The following FGF13 variants were observed in gnomAD, a reference collection of about 807,000 sequenced individuals.
FGF13 encodes the protein fibroblast growth factor 13.
A neutral mutation model predicts 19.5 loss-of-function variants in FGF13; 2 were observed. That is an observed-to-expected ratio of 0.10 (90% CI 0.04 to 0.32). The LOEUF is 0.32. Ranked by LOEUF, FGF13 falls within the 10% of genes least tolerant of loss-of-function variation. FGF13 has a pLI of 1.00. For missense variants in FGF13, 113 were observed against 192.7 expected, an observed-to-expected ratio of 0.59 and a Z score of 2.45; for synonymous variants, 72 against 76.9, an observed-to-expected ratio of 0.94 and a Z score of 0.33.
intron 1 of FGF13, among the ~76,000 whole-genome samples, chrX:138,872,573 T>A (rs1303200630): frequency 8.9e-6 from 1 of 112,332 alleles, no homozygotes; most frequent in East Asian, 2.8e-4. Context: ...TCTGTGTGAA[T>A]CCAGATTTCC....
At chrX:138,723,100 A>G (rs201080341) in intron 1 of FGF13, among the ~76,000 whole-genome samples, 1 of 64,840 alleles carries the variant, frequency 1.5e-5, no homozygotes, top group Non-Finnish European at 3.1e-5. Flanking sequence ...ACTAACTCAG[A>G]CAGTCCTGCT....
chrX:139,013,337 A>G (rs1181331301), intron 1 of FGF13, among the ~76,000 whole-genome samples: 1 of 108,340 alleles, frequency 9.2e-6, no homozygotes, highest in Non-Finnish European at 1.9e-5. Flanking sequence ...CAATCCCACT[A>G]CTAGGTATCT....
chrX:138,900,211 T>A (rs1490231659), intron 1 of FGF13, among the ~76,000 whole-genome samples: 1 of 111,153 alleles, frequency 9.0e-6, no homozygotes, highest in Non-Finnish European at 1.9e-5. Context: ...AAGCTGACCA[T>A]GTCACTTACT....
At chrX:139,063,620 C>G (rs770141484) in intron 1 of FGF13, among the ~76,000 whole-genome samples, 154 of 111,354 alleles carry the variant, frequency 1.4e-3, no homozygotes, top group African/African-American at 4.8e-3. Context: ...GTTTTATGTA[C>G]CTACTGAGTT....
At position 138,878,189 on chromosome X, in the gene FGF13, T is replaced by C. The variant is rs998083446; in HGVS notation, c.-112-13539A>G. Among the ~76,000 whole-genome samples the C allele has an allele frequency of 1.5e-4, 16 of 110,083 alleles. No homozygotes were observed. The East Asian group carries it at 4.1e-3, about 28-fold the overall frequency. ...ATTACACTTTAAGTTTTAGGGTACA[T>C]GTGCACAATGTGCAGGTTTGTTACA... is the stretch of plus-strand genomic sequence containing the variant. On this transcript the variant is annotated intron_variant, in intron 1 of 2. Coordinates refer to the FGF13 transcript ENST00000421460.
intron 1 of FGF13, among the ~76,000 whole-genome samples, chrX:138,942,916 C>T (rs1008628770): frequency 1.8e-5 from 2 of 111,165 alleles, no homozygotes; most frequent in African/African-American, 3.3e-5. Flanking sequence ...TTGCTCTAGG[C>T]CATTTACAAG....
At chrX:138,859,202 C>G (rs1201407502) in intron 2 of FGF13, among the ~76,000 whole-genome samples, 1 of 111,993 alleles carries the variant, frequency 8.9e-6, no homozygotes, top group Non-Finnish European at 1.9e-5. Context: ...AGCTGCTATT[C>G]AAAACATTTG....
At chrX:138,727,376 A>G (rs2090193729) in intron 1 of FGF13, among the ~76,000 whole-genome samples, 1 of 110,351 alleles carries the variant, frequency 9.1e-6, no homozygotes, top group South Asian at 3.9e-4. Context: ...TCTCTTCAAC[A>G]AGAAGATTTT....
intron 3 of FGF13, among the ~76,000 whole-genome samples, chrX:138,829,380 A>G (rs1026286777): frequency 2.7e-5 from 3 of 110,738 alleles, no homozygotes; most frequent in Non-Finnish European, 5.7e-5. Context: ...GCTGGTTGTT[A>G]TAAATAGCCT....
In FGF13 at chrX:138,631,791, T is replaced by C. The variant is rs2089119049; in HGVS notation, c.*1059A>G. The C allele has an allele frequency of 8.9e-6, 1 of 112,089 alleles. No homozygotes were observed. Among genetic ancestry groups the C allele is most frequent in the South Asian group, 3.7e-4 (1 of 2,694 alleles). 9.2% of individuals were successfully genotyped at this position (112,089 alleles called of 1,213,427 possible). ...ACCCAACTTTCTTCCATGCAACAGA[T>C]ATGAAGATCTAAATGGAAACCTAGC... On this transcript the variant is annotated 3_prime_UTR_variant, in exon 5 of 5. Transcript: ENST00000315930.
At chrX:138,824,694 ATTCCTTCT>A (rs2091022298) in intron 3 of FGF13, among the ~76,000 whole-genome samples, 11 of 111,424 alleles carry the variant, frequency 9.9e-5, no homozygotes, top group Admixed American at 5.7e-4. Flanking sequence ...TTTTGCCTAT[ATTCCTTCT>A]AAGTATATTC....
At chrX:138,861,094 T>G (rs17001800) in intron 2 of FGF13, among the ~76,000 whole-genome samples, 11,997 of 112,135 alleles carry the variant, frequency 0.11, 1,547 homozygotes, top group African/African-American at 0.37. Context: ...TGCAAATGTT[T>G]TTCCATTGAC....
At chrX:139,090,260 A>G (rs927541999) in intron 1 of FGF13, among the ~76,000 whole-genome samples, 4 of 111,604 alleles carry the variant, frequency 3.6e-5, no homozygotes, top group Admixed American at 2.9e-4. Context: ...TAGATCAAGA[A>G]CCTGACATCA....
Position 139,107,091 on chromosome X carries a change from TAAG to T in FGF13, c.-113+96322_-113+96324del, listed in dbSNP as rs939629171. Among the ~76,000 whole-genome samples, 3 of 112,034 alleles carry T rather than the reference TAAG, an allele frequency of 2.7e-5. No individual in the cohort carries two copies. The Admixed American group carries it at 2.8e-4, about 11-fold the overall frequency. On this transcript the variant is annotated intron_variant, in intron 1 of 2. Transcript: ENST00000421460. ...AGTGATTAAGACACAGTCCTGTCCT[TAAG>T]GAGTACACAATAAAGTAGGGAGGAG...
chrX:138,709,435 C>T (rs1273930154), intron 1 of FGF13, among the ~76,000 whole-genome samples: 1 of 111,718 alleles, frequency 9.0e-6, no homozygotes, highest in Non-Finnish European at 1.9e-5. Flanking sequence ...CGTGGAACCC[C>T]ATTAAGGAAA....
intron 1 of FGF13, among the ~76,000 whole-genome samples, chrX:139,062,015 T>C (rs1162795839): frequency 9.0e-6 from 1 of 111,557 alleles, no homozygotes; most frequent in Non-Finnish European, 1.9e-5. Flanking sequence ...CCATATATAG[T>C]TTGTCTCTTC....
chrX:139,003,244 T>G (rs763280843), intron 1 of FGF13, among the ~76,000 whole-genome samples: 1 of 110,370 alleles, frequency 9.1e-6, no homozygotes, highest in African/African-American at 3.3e-5. Flanking sequence ...GCGGTGAGTG[T>G]TACAGCTCTT....
rs892773958 is a variant in FGF13 at position 139,150,873 on chromosome X, G to C, written c.-113+52543C>G. On this transcript the variant is annotated intron_variant, in intron 1 of 2. Transcript: ENST00000421460. Reference sequence around the variant, plus strand: ...TTACTGTAGTAACCTCATGCTAGTAGCCTAGGCCACTTGTTTCAGCGGCCC... The same window carrying C: ...TTACTGTAGTAACCTCATGCTAGTACCCTAGGCCACTTGTTTCAGCGGCCC... Among the ~76,000 whole-genome samples the C allele has an allele frequency of 8.1e-5, 9 of 111,389 alleles. No individual in the cohort carries two copies. In the Admixed American group the frequency reaches 8.6e-4, roughly 11 times the overall value.
intron 3 of FGF13, among the ~76,000 whole-genome samples, chrX:138,779,288 A>C (rs1372228468): frequency 2.7e-5 from 3 of 112,118 alleles, no homozygotes; most frequent in African/African-American, 9.7e-5. Flanking sequence ...CCAGCTCCTC[A>C]CCAGCAACGA....
Sources: gnomAD v4.1 joint callset for allele counts (sites outside exome capture counted in the v4.1 genomes callset) on GRCh38, gnomAD v4.1.1 for gene constraint, MANE v1.5 for transcripts, NCBI Gene and HGNC (gene_info 2026-07-23, HGNC 2026-07-21) for gene names.